CACNA1C: variants seen among roughly 807,000 people sequenced by gnomAD.
CACNA1C encodes the protein voltage-dependent L-type calcium channel subunit alpha-1C.
CACNA1C carries 30 observed loss-of-function variants against 229.0 expected under a neutral mutation model. The observed-to-expected ratio is 0.13, with a 90% confidence interval of 0.10 to 0.18. The LOEUF (loss-of-function observed/expected upper bound fraction) is 0.18, where lower values mean the gene tolerates loss of function less well. CACNA1C is among the 10% of genes least tolerant of loss of function. CACNA1C has a pLI of 1.00. For missense variants in CACNA1C, 1,658 were observed against 2,845.0 expected, an observed-to-expected ratio of 0.58 and a Z score of 9.49; for synonymous variants, 1,114 against 1,132.5, an observed-to-expected ratio of 0.98 and a Z score of 0.33.
chr12:2,620,765 G>C (rs1221281573), intron 29 of CACNA1C, among the ~76,000 whole-genome samples: 1 of 152,192 alleles, frequency 6.6e-6, no homozygotes, highest in Admixed American at 6.5e-5. Context: ...CATTTGCAAT[G>C]GGAAGACTTA....
chr12:2,150,240 GGA>G (rs1414334489), intron 3 of CACNA1C, among the ~76,000 whole-genome samples: 1 of 152,168 alleles, frequency 6.6e-6, no homozygotes, highest in African/African-American at 2.4e-5. Flanking sequence ...AAAATAACAC[GGA>G]GAATAGGATG....
rs2053129221 is a variant in CACNA1C, at chr12:2,053,700, G to C, written c.49+89G>C. The C allele has an allele frequency of 2.2e-6, 3 of 1,373,380 alleles. No homozygotes were observed. Among genetic ancestry groups the C allele is most frequent in the South Asian group, 3.4e-5 (2 of 58,426 alleles). The allele number at this position is 1,373,380 out of a possible 1,614,324, so 85.1% of individuals were successfully genotyped here. A position where few individuals can be genotyped will look rare whatever the true frequency, so the allele number is the denominator to read the frequency against. ...CCGCGCTCCCCGCGGCCCCGGGGCC[G>C]GTCCCTGCGGAGTGGCCCGGGGCCG... On this transcript the variant is annotated intron_variant, in intron 1 of 46. Coordinates refer to ENST00000399655, the MANE Select transcript of CACNA1C (RefSeq NM_000719.7). This position sits in a 1 kb window ranked among gnomAD's most constrained non-coding sequence, Gnocchi z 5.8.
rs889520627 is a variant in CACNA1C at position 2,646,804 on chromosome 12, G to A, written c.3913-1671G>A. Among the ~76,000 whole-genome samples the A allele has an allele frequency of 1.3e-5, 2 of 152,080 alleles. No individual in the cohort carries two copies. The highest frequency in any genetic ancestry group is 2.4e-5 in the African/African-American group (1 of 41,402). ...AGAGAGAGAGAGTGTGTGTGTGCGC[G>A]TGTGTGTGTCTGCCTATGTTTGTCT... On this transcript the variant is annotated intron_variant, in intron 30 of 46. Coordinates refer to ENST00000399655, the MANE Select transcript of CACNA1C (RefSeq NM_000719.7). The surrounding 1 kb of genome is among the most constrained non-coding windows in gnomAD (Gnocchi z 4.6).
chr12:2,033,218 G>C (rs549607627), intron 1 of CACNA1C, among the ~76,000 whole-genome samples: 3 of 152,156 alleles, frequency 2.0e-5, no homozygotes, highest in Non-Finnish European at 2.9e-5. Context: ...CCCAGAACAA[G>C]TGAAGCCAGT....
At chr12:2,071,080 TTC>T (rs1269882878) in intron 1 of CACNA1C, among the ~76,000 whole-genome samples, 1 of 106,902 alleles carries the variant, frequency 9.4e-6, no homozygotes, top group Admixed American at 9.6e-5. Flanking sequence ...CCTTCCTTCC[TTC>T]TCTTTCTCCT....
At chr12:2,663,772 C>G in intron 34 of CACNA1C, among the ~76,000 whole-genome samples, 1 of 128,070 alleles carries the variant, frequency 7.8e-6, no homozygotes, top group Non-Finnish European at 1.6e-5. Flanking sequence ...GACGGAGTCT[C>G]GCTCTGTCGC....
rs371328034 is a variant in CACNA1C at position 2,495,784 on chromosome 12, G to A, written c.1113+2398G>A. On this transcript the variant is annotated intron_variant, in intron 7 of 46. Coordinates refer to ENST00000399655, the MANE Select transcript of CACNA1C (RefSeq NM_000719.7). ...CACCTTCCCAAAATGGCCATGTTGT[G>A]TGTGTGTGCATTTGTATGTGTGTGC... is the stretch of plus-strand genomic sequence containing the variant. Among the ~76,000 whole-genome samples the A allele has an allele frequency of 1.3e-3, 193 of 152,302 alleles. 4 individuals carry two copies. The South Asian group carries it at 0.033, about 26-fold the overall frequency.
intron 3 of CACNA1C, among the ~76,000 whole-genome samples, chr12:2,316,608 G>A (rs1210888361): frequency 6.6e-6 from 1 of 152,154 alleles, no homozygotes; most frequent in East Asian, 1.9e-4. Flanking sequence ...ATGAATAGGT[G>A]GAATAGCATG....
At chr12:2,379,987 C>T (rs1282776989) in intron 3 of CACNA1C, among the ~76,000 whole-genome samples, 2 of 139,494 alleles carry the variant, frequency 1.4e-5, no homozygotes, top group South Asian at 2.4e-4. Flanking sequence ...GCCGAGATCC[C>T]GCCACTGCAC....
intron 3 of CACNA1C, among the ~76,000 whole-genome samples, chr12:2,328,397 CTTTTA>C (rs60093870): frequency 0.12 from 17,980 of 152,072 alleles, 2,829 homozygotes; most frequent in African/African-American, 0.36. Flanking sequence ...TTGCCCCCTT[CTTTTA>C]TTTTAATTTG....
chr12:2,695,661 C>T lies in CACNA1C; in HGVS notation c.*4462C>T, dbSNP rs1158135943. ...TCCCTCTTCCCACTGCCCTCCCCAGCCCCAGCTCCCTGTCCTCCCCAACAC... is the reference window on the plus strand; with the variant it reads ...TCCCTCTTCCCACTGCCCTCCCCAGTCCCAGCTCCCTGTCCTCCCCAACAC... On this transcript the variant is annotated 3_prime_UTR_variant, in exon 47 of 47. Transcript: ENST00000399655. 1 of 152,162 alleles carries T rather than the reference C, an allele frequency of 6.6e-6. No individual in the cohort carries two copies. Among genetic ancestry groups the T allele is most frequent in the East Asian group, 1.9e-4 (1 of 5,202 alleles). 9.4% of individuals were successfully genotyped at this position (152,162 alleles called of 1,614,324 possible).
At chr12:2,624,700 G>A (rs916406463) in intron 29 of CACNA1C, among the ~76,000 whole-genome samples, 12 of 152,148 alleles carry the variant, frequency 7.9e-5, no homozygotes, top group African/African-American at 2.9e-4. Flanking sequence ...ACAGCGCCCC[G>A]TGGTGGCCAG....
intron 3 of CACNA1C, among the ~76,000 whole-genome samples, chr12:2,398,478 CTG>C (rs1351074291): frequency 1.3e-5 from 2 of 152,212 alleles, no homozygotes; most frequent in African/African-American, 4.8e-5. Context: ...GAGCTCTGGT[CTG>C]TGCATCGGGA....
chr12:2,633,846 G>A lies in CACNA1C; in HGVS notation c.3829-451G>A, dbSNP rs1299063510. The stretch of plus-strand genomic sequence containing the variant: ...AATTTCCTGTTTTTACCCGCCTCCA[G>A]TCATGCCTTTTATTGAACCTGCCGT... On this transcript the variant is annotated intron_variant, in intron 29 of 46. Coordinates refer to ENST00000399655, the MANE Select transcript of CACNA1C (RefSeq NM_000719.7). The surrounding 1 kb of genome is among the most constrained non-coding windows in gnomAD (Gnocchi z 5.8). The A allele has an allele frequency of 2.7e-5, 17 of 626,858 alleles. No individual in the cohort carries two copies. Among genetic ancestry groups the A allele is most frequent in the East Asian group, 5.7e-5 (2 of 34,846 alleles). 38.8% of individuals were successfully genotyped at this position (626,858 alleles called of 1,614,324 possible). A position where few individuals can be genotyped will look rare whatever the true frequency, so the allele number is the denominator to read the frequency against.
At chr12:2,448,091 T>C (rs1477425598) in intron 3 of CACNA1C, among the ~76,000 whole-genome samples, 5 of 152,200 alleles carry the variant, frequency 3.3e-5, no homozygotes, top group Non-Finnish European at 5.9e-5. Flanking sequence ...AAGCAATTAG[T>C]GGCGAGGGAC....
At chr12:2,072,879 A>C (rs1204472215) in intron 1 of CACNA1C, among the ~76,000 whole-genome samples, 1 of 152,152 alleles carries the variant, frequency 6.6e-6, no homozygotes, top group African/African-American at 2.4e-5. Flanking sequence ...TGGCACTGTA[A>C]TAGCCATTGG....
At chr12:2,176,990 C>T (rs2096665389) in intron 3 of CACNA1C, among the ~76,000 whole-genome samples, 1 of 152,194 alleles carries the variant, frequency 6.6e-6, no homozygotes, top group African/African-American at 2.4e-5. Flanking sequence ...GAGGGTGACC[C>T]CTCCACCCAT....
At chr12:2,322,613 G>A (rs1432225572) in intron 3 of CACNA1C, among the ~76,000 whole-genome samples, 1 of 152,150 alleles carries the variant, frequency 6.6e-6, no homozygotes, top group African/African-American at 2.4e-5. Flanking sequence ...CTAGAAACGG[G>A]ACCCTCCCAA....
In CACNA1C at chr12:2,602,868, C is replaced by T. The variant is rs1215026773; in HGVS notation, c.2960+908C>T. Among the ~76,000 whole-genome samples, 1 of 152,144 alleles carries T rather than the reference C, an allele frequency of 6.6e-6. No individual in the cohort carries two copies. The highest frequency in any genetic ancestry group is 1.5e-5 in the Non-Finnish European group (1 of 68,030). On this transcript the variant is annotated intron_variant, in intron 22 of 46. Coordinates refer to ENST00000399655, the MANE Select transcript of CACNA1C (RefSeq NM_000719.7). This position sits in a 1 kb window ranked among gnomAD's most constrained non-coding sequence, Gnocchi z 4.4. ...AAAGCACTTCCACATACACATTCTT[C>T]TGTGGTCCTCACACACACAAAACGA...
Sources: allele counts gnomAD v4.1 joint callset (sites outside exome capture counted in the v4.1 genomes callset), GRCh38; gene constraint gnomAD v4.1.1; non-coding constraint Gnocchi (gnomAD v3.1); transcripts MANE v1.5; gene names NCBI Gene and HGNC (gene_info 2026-07-23, HGNC 2026-07-21).